TARS3: variants seen among roughly 807,000 people sequenced by gnomAD.
The protein encoded by TARS3 is threonyl-tRNA synthetase 3, also known as threonine--tRNA ligase 2, cytoplasmic.
TARS3 carries 94 observed loss-of-function variants against 103.5 expected under a neutral mutation model. The observed-to-expected ratio is 0.91, with a 90% confidence interval of 0.77 to 1.08. TARS3 has a LOEUF of 1.08. TARS3 is among the 50% of genes least tolerant of loss of function. TARS3 has a pLI of 0.00. For missense variants in TARS3, 952 were observed against 995.2 expected (o/e 0.96, Z 0.58); for synonymous variants, 416 against 355.4 (o/e 1.17, Z -1.92).
At chr15:101,686,999 A>C (rs1204901302) in intron 10 of TARS3, among the ~76,000 whole-genome samples, 2 of 152,048 alleles carry the variant, frequency 1.3e-5, no homozygotes, top group Admixed American at 1.3e-4. Context: ...AACTGAAAGG[A>C]ATGTTGTCTG....
In TARS3 at chr15:101,724,270, G is replaced by T. The variant is rs1317065715; in HGVS notation, c.118C>A (p.Pro40Thr). The change falls in exon 1 of 19, where the codon CCC (proline) becomes ACC (threonine). Residue 40 changes from proline (P) to threonine (T), a missense_variant. Around this residue, in one of 2 missense-constraint regions of TARS3, gnomAD observed 412 missense variants for 364.2 expected, o/e 1.13. Transcript: ENST00000335968. ...GGCCCCTCCGCCTGGCAGCTGTAGG[G>T]CGCGTTCAGCTGCTCGTCCCTCAGG... ...ERLRDEQLNA[P>T]YSCQAEGPCL... is the part of the protein sequence containing the mutation. 8 of 1,570,736 alleles carry T rather than the reference G, an allele frequency of 5.1e-6. No homozygotes were observed. In the South Asian group the frequency reaches 9.3e-5, roughly 18 times the overall value.
intron 5 of TARS3, among the ~76,000 whole-genome samples, chr15:101,711,287 A>G (rs533164343): frequency 6.6e-6 from 1 of 152,362 alleles, no homozygotes; most frequent in East Asian, 1.9e-4. Flanking sequence ...AGATTTGACT[A>G]AAAATAATTT....
intron 15 of TARS3, among the ~76,000 whole-genome samples, chr15:101,668,813 T>C (rs952326164): frequency 4.6e-5 from 7 of 152,162 alleles, no homozygotes; most frequent in African/African-American, 1.7e-4. Context: ...TTCAGGTGTT[T>C]GTGGTGAGGC....
intron 18 of TARS3, among the ~76,000 whole-genome samples, chr15:101,656,526 G>A (rs1301549808): frequency 6.6e-6 from 1 of 152,090 alleles, no homozygotes; most frequent in Non-Finnish European, 1.5e-5. Flanking sequence ...TTAAATTTGG[G>A]ATCTTTTCTT....
At chr15:101,704,838 C>G (rs1899472829) in intron 7 of TARS3, among the ~76,000 whole-genome samples, 1 of 151,972 alleles carries the variant, frequency 6.6e-6, no homozygotes, top group African/African-American at 2.4e-5. Context: ...GGCCTGTTTT[C>G]TACATTTTCA....
At chr15:101,666,734 CTCTTA>C (rs1897595650) in intron 15 of TARS3, among the ~76,000 whole-genome samples, 2 of 152,230 alleles carry the variant, frequency 1.3e-5, no homozygotes, top group South Asian at 2.1e-4. Context: ...ACTGTTTATT[CTCTTA>C]TATCTTCAGA....
chr15:101,708,174 G>A (rs946961847), intron 6 of TARS3, among the ~76,000 whole-genome samples: 1 of 149,538 alleles, frequency 6.7e-6, no homozygotes, highest in African/African-American at 2.5e-5. Flanking sequence ...TCCAGGAGGC[G>A]GAGGTTGCAG....
intron 13 of TARS3, among the ~76,000 whole-genome samples, chr15:101,674,746 A>G (rs1257781311): frequency 6.6e-6 from 1 of 151,812 alleles, no homozygotes; most frequent in Non-Finnish European, 1.5e-5. Flanking sequence ...TGGAGCTTGC[A>G]GTGAGCTGAG....
rs370167089 is a variant in TARS3 at position 101,654,727 on chromosome 15, A to C, written c.2264T>G (p.Val755Gly). ...ATTATCTATCTTTTCCTTTTCTCCA[A>C]CCACTGCAGAAAAGAAAGGTAAAGA... ...QLAQYNFILVVGEKEKIDNAV... is the reference protein window; with the variant it reads ...QLAQYNFILVGGEKEKIDNAV... Residue 755 changes from valine to glycine, a missense_variant, in exon 19 of 19, where the codon GTT (valine) becomes GGT (glycine). This residue lies in a region of TARS3 where 540 missense variants were observed against 631.0 expected (regional missense o/e 0.86). Coordinates refer to ENST00000335968, the MANE Select transcript of TARS3 (RefSeq NM_152334.3). 1.2e-6 allele frequency: 2 copies of C among 1,613,052 alleles called. No individual in the cohort carries two copies. Among genetic ancestry groups the C allele is most frequent in the Admixed American group, 1.7e-5 (1 of 59,670 alleles).
intron 16 of TARS3, among the ~76,000 whole-genome samples, chr15:101,658,311 C>CAAAAAAAA (rs36121104): frequency 4.3e-5 from 3 of 70,156 alleles, no homozygotes; most frequent in Non-Finnish European, 5.0e-5. Flanking sequence ...ACACCATCAG[C>CAAAAAAAA]AAAAAAAAAA....
intron 10 of TARS3, among the ~76,000 whole-genome samples, chr15:101,690,224 C>T (rs1374459462): frequency 3.9e-5 from 6 of 152,208 alleles, no homozygotes; most frequent in Non-Finnish European, 7.3e-5. Flanking sequence ...CATTTTCCTT[C>T]CTTCTCTGCC....
chr15:101,711,573 T>C (rs907259087), intron 5 of TARS3, among the ~76,000 whole-genome samples: 1 of 152,250 alleles, frequency 6.6e-6, no homozygotes, highest in Admixed American at 6.5e-5. Flanking sequence ...CTCTTCCTTA[T>C]GATTTTCTTA....
chr15:101,656,957 C>A lies in TARS3; in HGVS notation c.2225G>T (p.Arg742Leu), dbSNP rs764890224. Reference sequence around the variant, plus strand: ...ATTATACTGAGCCAGCTGTGCATTTCGTATTTTCTTATTTAGTGTACAACT... The same window carrying A: ...ATTATACTGAGCCAGCTGTGCATTTAGTATTTTCTTATTTAGTGTACAACT... ...DHSCTLNKKI[R>L]NAQLAQYNFI... is the part of the protein sequence containing the mutation. Residue 742 changes from arginine to leucine, a missense_variant, in exon 18 of 19, where the codon CGA (arginine) becomes CTA (leucine). Arg to Leu is a moderately radical substitution (Grantham distance 102, BLOSUM62 -2). Coordinates refer to ENST00000335968, the MANE Select transcript of TARS3 (RefSeq NM_152334.3). The A allele has an allele frequency of 1.9e-6, 3 of 1,612,958 alleles. No homozygotes were observed. Among genetic ancestry groups the A allele is most frequent in the Admixed American group, 3.3e-5 (2 of 59,940 alleles).
chr15:101,673,418 C>G (rs1327257926), intron 13 of TARS3, among the ~76,000 whole-genome samples: 1 of 152,366 alleles, frequency 6.6e-6, no homozygotes, highest in East Asian at 1.9e-4. Flanking sequence ...GGCACTATGC[C>G]TAACACTCCA....
At chr15:101,699,454 C>A (rs1302359162) in intron 10 of TARS3, 2 of 455,832 alleles carry the variant, frequency 4.4e-6, no homozygotes, top group Non-Finnish European at 4.4e-6. Context: ...AATAAGAGAT[C>A]CCCTTAATGC....
chr15:101,686,919 GA>G (rs906491456), intron 10 of TARS3, among the ~76,000 whole-genome samples: 1 of 151,518 alleles, frequency 6.6e-6, no homozygotes, highest in African/African-American at 2.4e-5. Flanking sequence ...GAGCACATTT[GA>G]AAAACTGTTT....
In TARS3 at chr15:101,724,100, G is replaced by C; in HGVS notation, c.288C>G (p.Ala96=). 7.3e-7 allele frequency: 1 copy of C among 1,363,560 alleles called. No homozygotes were observed. Among genetic ancestry groups the C allele is most frequent in the Non-Finnish European group, 9.4e-7 (1 of 1,059,218 alleles). The allele number at this position is 1,363,560 out of a possible 1,614,324, so 84.5% of individuals were successfully genotyped here. A position where few individuals can be genotyped will look rare whatever the true frequency, so the allele number is the denominator to read the frequency against. Residue 96 remains alanine (A), a synonymous_variant, in exon 1 of 19, where the codon GCC becomes GCG. Transcript: ENST00000335968. ...CCCACCGCCCGGTTACCTGTGCGCC[G>C]GCCTCCTGCGCCGCCTCTAGCTCCG... ...ESAELEAAQE[A]GAQPPPSQSQ...
rs1455297031 is a variant in TARS3, at chr15:101,657,031, G to A, written c.2151C>T (p.Ser717=). The A allele has an allele frequency of 2.5e-6, 4 of 1,605,684 alleles. No individual in the cohort carries two copies. Among genetic ancestry groups the A allele is most frequent in the Non-Finnish European group, 3.4e-6 (4 of 1,172,676 alleles). ...TAAATCCTTCTTCAAAAAATTCACT[G>A]GATACCTAGAAGAAAATGAAACACC... The part of the protein sequence containing the change: ...PTCEKYALQV[S]SEFFEEGFMA... Residue 717 remains serine, a synonymous_variant, in exon 18 of 19, where the codon TCC becomes TCT. Coordinates refer to ENST00000335968, the MANE Select transcript of TARS3 (RefSeq NM_152334.3).
In TARS3 at chr15:101,714,918, T is replaced by C. The variant is rs1466380110; in HGVS notation, c.612A>G (p.Glu204=). Residue 204 remains glutamate, a synonymous_variant, in exon 4 of 19, where the codon GAA becomes GAG. Coordinates refer to ENST00000335968, the MANE Select transcript of TARS3 (RefSeq NM_152334.3). ...CCAATGGGCGGTCCAGGTCCCACAGTTCACCATTGACTTTGGCTATTACCG... is the reference window on the plus strand; with the variant it reads ...CCAATGGGCGGTCCAGGTCCCACAGCTCACCATTGACTTTGGCTATTACCG... The part of the protein sequence containing the change: ...ESTVIAKVNG[E]LWDLDRPLEG... The C allele has an allele frequency of 6.2e-7, 1 of 1,613,106 alleles. No individual in the cohort carries two copies. Among genetic ancestry groups the C allele is most frequent in the East Asian group, 2.2e-5 (1 of 44,850 alleles).
Sources: gnomAD v4.1 joint callset for allele counts (sites outside exome capture counted in the v4.1 genomes callset) on GRCh38, gnomAD v4.1.1 for gene constraint, gnomAD v4.1.1 regional missense constraint, MANE v1.5 for transcripts, NCBI Gene and HGNC (gene_info 2026-07-23, HGNC 2026-07-21) for gene names.